Variants in RGS20 observed in about 807,000 individuals in gnomAD.
The protein encoded by RGS20 is regulator of G protein signaling 20.
Under a neutral mutation model 33.6 loss-of-function variants are expected in RGS20, and 30 were observed. The observed-to-expected ratio is 0.89, with a 90% CI of 0.67 to 1.21. RGS20 has a LOEUF of 1.21. Ranked by LOEUF, RGS20 falls within the 50% of genes most tolerant of loss-of-function variation. The pLI, the probability that RGS20 is intolerant of heterozygous loss-of-function variation, is 0.00. For synonymous variants in RGS20, 208 were observed against 197.9 expected (o/e 1.05, Z -0.43); for missense variants, 472 against 502.4 (o/e 0.94, Z 0.58).
intron 5 of RGS20, among the ~76,000 whole-genome samples, chr8:53,956,872 G>A (rs534826843): frequency 5.9e-5 from 9 of 152,084 alleles, no homozygotes; most frequent in Non-Finnish European, 1.3e-4. Context: ...AACAGGCCGG[G>A]CACAGTGGCT....
intron 2 of RGS20, among the ~76,000 whole-genome samples, chr8:53,908,144 C>T (rs1053206153): frequency 6.6e-6 from 1 of 151,994 alleles, no homozygotes; most frequent in Admixed American, 6.6e-5. Flanking sequence ...AGATGGAAAA[C>T]GTTGGGAGAT....
intron 1 of RGS20, chr8:53,876,312 T>C (rs1186104537): frequency 6.6e-6 from 1 of 152,226 alleles, no homozygotes; most frequent in African/African-American, 2.4e-5. Context: ...GGATTTAGGC[T>C]GTGGCGATTT....
rs1181264110 is a variant in RGS20, at chr8:53,877,192, G to A, written c.166-2066G>A. On this transcript the variant is annotated intron_variant, in intron 1 of 5. Coordinates refer to ENST00000297313, the MANE Select transcript of RGS20 (RefSeq NM_170587.4). This position sits in a 1 kb window ranked among gnomAD's most constrained non-coding sequence, Gnocchi z 5.7. ...TTTTCGGCTTTTTTCAAGCCCTTGC[G>A]TAGGGTCGGGAAGGCCGTGGGTGGG... Among the ~76,000 whole-genome samples, 4 of 152,190 alleles carry A rather than the reference G, an allele frequency of 2.6e-5. No homozygotes were observed. The highest frequency in any genetic ancestry group is 5.9e-5 in the Non-Finnish European group (4 of 68,028).
At chr8:53,929,181 C>A (rs1353324720) in intron 2 of RGS20, among the ~76,000 whole-genome samples, 1 of 152,168 alleles carries the variant, frequency 6.6e-6, no homozygotes. Context: ...TCTCAAGAAG[C>A]AGGGTTTTGA....
Position 53,879,559 on chromosome 8 carries a change from C to A in RGS20, c.467C>A (p.Pro156His). 1 of 1,540,776 alleles carries A rather than the reference C, an allele frequency of 6.5e-7. No homozygotes were observed. Among genetic ancestry groups the A allele is most frequent in the East Asian group, 2.5e-5 (1 of 40,312 alleles). ...AGGCCCCCCCATCCGGTAGCCAAGC[C>A]CAGGGAAGAAGACGCCACCGCTGGG... The change falls in exon 2 of 6, where the codon CCC becomes CAC. Residue 156 changes from proline (P) to histidine (H), a missense_variant. Around this residue, in one of 3 missense-constraint regions of RGS20, gnomAD observed 319 missense variants for 283.4 expected, o/e 1.13. Transcript: ENST00000297313.
At chr8:53,907,419 A>C (rs917245676) in intron 2 of RGS20, among the ~76,000 whole-genome samples, 1 of 152,006 alleles carries the variant, frequency 6.6e-6, no homozygotes, top group African/African-American at 2.4e-5. Context: ...ATCTGTCTCT[A>C]CTGAAAATAT....
chr8:53,857,580 C>G (rs567502215), intron 1 of RGS20, among the ~76,000 whole-genome samples: 4 of 152,298 alleles, frequency 2.6e-5, no homozygotes, highest in South Asian at 4.1e-4. Flanking sequence ...TTTTAGTGAT[C>G]TATTCTACAG....
intron 1 of RGS20, among the ~76,000 whole-genome samples, chr8:53,862,705 A>G (rs1303964685): frequency 6.6e-6 from 1 of 152,194 alleles, no homozygotes; most frequent in Admixed American, 6.5e-5. Flanking sequence ...AGGCTGAGGC[A>G]TGAGGATTGC....
chr8:53,908,191 A>G (rs921541488), intron 2 of RGS20, among the ~76,000 whole-genome samples: 1 of 152,216 alleles, frequency 6.6e-6, no homozygotes, highest in Non-Finnish European at 1.5e-5. Flanking sequence ...AATGTTCTTT[A>G]TAGAACATTG....
chr8:53,909,861 C>T (rs1217749257), intron 2 of RGS20, among the ~76,000 whole-genome samples: 1 of 152,114 alleles, frequency 6.6e-6, no homozygotes, highest in East Asian at 1.9e-4. Flanking sequence ...GTGATGGAAA[C>T]TCTAATGAGG....
chr8:53,880,994 TGA>T, intron 2 of RGS20: 1 of 1,593,056 alleles, frequency 6.3e-7, no homozygotes, highest in Non-Finnish European at 8.5e-7. Flanking sequence ...GCTGCAATAT[TGA>T]GAAGGCACCC....
At chr8:53,878,832 G>A (rs974056431) in intron 1 of RGS20, among the ~76,000 whole-genome samples, 2 of 152,150 alleles carry the variant, frequency 1.3e-5, no homozygotes, top group South Asian at 4.1e-4. Context: ...GAGAAGGGAG[G>A]GGAAGAGCAA....
intron 1 of RGS20, among the ~76,000 whole-genome samples, chr8:53,872,471 T>G (rs1812099858): frequency 6.6e-6 from 1 of 152,208 alleles, no homozygotes; most frequent in Non-Finnish European, 1.5e-5. Context: ...GAGCAGGTCA[T>G]GCTCTTTCTC....
At chr8:53,942,868 T>C (rs1814346799) in intron 3 of RGS20, among the ~76,000 whole-genome samples, 2 of 149,080 alleles carry the variant, frequency 1.3e-5, no homozygotes, top group Admixed American at 1.3e-4. Context: ...TGGTGGCATG[T>C]GCCTGTAGTC....
chr8:53,880,680 G>T (rs1438198597), intron 2 of RGS20, among the ~76,000 whole-genome samples, 192 bp from the exon 1 acceptor site: 1 of 152,104 alleles, frequency 6.6e-6, no homozygotes, highest in Non-Finnish European at 1.5e-5. Flanking sequence ...GCCTGGCTTC[G>T]CATCCACACT....
At chr8:53,934,205 G>T (rs1321499840) in intron 2 of RGS20, among the ~76,000 whole-genome samples, 1 of 152,084 alleles carries the variant, frequency 6.6e-6, no homozygotes, top group African/African-American at 2.4e-5. Flanking sequence ...ATCAACTAAT[G>T]GGCAAAATAA....
At position 53,893,250 on chromosome 8, in the gene RGS20, T is replaced by C. The variant is rs1159963494; in HGVS notation, c.510+13648T>C. On this transcript the variant is annotated intron_variant, in intron 2 of 5. Coordinates refer to ENST00000297313, the MANE Select transcript of RGS20 (RefSeq NM_170587.4). ...ATCTCCATGAATGATTTAAATATAA[T>C]TAATTTTCATATTAGATTTCCTGTT... Among the ~76,000 whole-genome samples the C allele has an allele frequency of 2.6e-5, 4 of 152,202 alleles. No homozygotes were observed. The South Asian group carries it at 6.2e-4, about 24-fold the overall frequency.
intron 2 of RGS20, among the ~76,000 whole-genome samples, chr8:53,915,092 C>T (rs140045411): frequency 5.9e-5 from 9 of 151,366 alleles, no homozygotes; most frequent in East Asian, 5.8e-4. Flanking sequence ...TGCAGTGAGC[C>T]GAGATCGCGC....
rs147351535 is a variant in RGS20, at chr8:53,931,552, A to AAACAAC, written c.511-7988_511-7983dup. The stretch of plus-strand genomic sequence containing the variant: ...CCTGGGCAACAAGAGCAAAACTCCA[A>AAACAAC]AACAACAACAACAACAACAACAACA... On this transcript the variant is annotated intron_variant, in intron 2 of 5. Transcript: ENST00000297313. 6.2e-3 allele frequency among the ~76,000 whole-genome samples: 931 copies of AAACAAC among 150,704 alleles called. 13 individuals are homozygous for AAACAAC. The highest frequency in any genetic ancestry group is 0.039 in the East Asian group (195 of 5,038).
Sources: allele counts gnomAD v4.1 joint callset (sites outside exome capture counted in the v4.1 genomes callset), GRCh38; gene constraint gnomAD v4.1.1; regional missense constraint gnomAD v4.1.1; non-coding constraint Gnocchi (gnomAD v3.1); transcripts MANE v1.5; gene names NCBI Gene and HGNC (gene_info 2026-07-23, HGNC 2026-07-21).